Variants in CPZ observed in about 807,000 individuals in gnomAD.
The protein encoded by CPZ is VEZT/CPZ fusion.
A neutral mutation model predicts 61.8 loss-of-function variants in CPZ; 103 were observed. The observed-to-expected ratio is 1.67, with a 90% CI of 1.42 to 1.96. The LOEUF (loss-of-function observed/expected upper bound fraction) is 1.96. CPZ is among the 30% of genes most tolerant of loss of function. The probability of loss-of-function intolerance (pLI) is 0.00; values close to 1 mark genes in which losing one functional copy is unlikely to be tolerated. For missense variants in CPZ, 1,461 were observed against 914.9 expected (o/e 1.60, Z -7.70); for synonymous variants, 551 against 373.7 (o/e 1.47, Z -5.47).
chr4:8,605,093 C>T (rs753296814), intron 4 of CPZ, among the ~76,000 whole-genome samples: 13 of 152,196 alleles, frequency 8.5e-5, no homozygotes, highest in African/African-American at 1.4e-4. Flanking sequence ...AGGTAACCAG[C>T]GCAGAAAGCT....
In CPZ at chr4:8,616,440, G is replaced by T. The variant is rs375439816; in HGVS notation, c.1503+1942G>T. Reference sequence around the variant, plus strand: ...CCTCCTGTAAGAGACCCTCCTGGGAGAGCCCCTGCTCTCGGGTGGGGCTAG... The same window carrying T: ...CCTCCTGTAAGAGACCCTCCTGGGATAGCCCCTGCTCTCGGGTGGGGCTAG... On this transcript the variant is annotated intron_variant, in intron 9 of 10. Transcript: ENST00000360986. Among the ~76,000 whole-genome samples, 591 of 152,318 alleles carry T rather than the reference G, an allele frequency of 3.9e-3. 4 individuals are homozygous for T. Among genetic ancestry groups the T allele is most frequent in the South Asian group, 0.015 (72 of 4,828 alleles).
Position 8,612,045 on chromosome 4 carries a change from A to T in CPZ, c.1246A>T (p.Arg416Ter). ...PDEKMFKLLS[R>*]AYADVHPMMM... ...TTTCCAGATGTTCAAGCTGCTGTCCAGAGCCTACGCTGACGTCCACCCCAT... is the reference window on the plus strand; with the variant it reads ...TTTCCAGATGTTCAAGCTGCTGTCCTGAGCCTACGCTGACGTCCACCCCAT... The change falls in exon 8 of 11, where the codon AGA (arginine) becomes TGA (stop). Residue 416 changes from arginine (R) to a stop codon, truncating the protein, a stop_gained. Coordinates refer to ENST00000360986, the MANE Select transcript of CPZ (RefSeq NM_001014447.3). LOFTEE classifies it high-confidence loss of function. 6.2e-7 allele frequency: 1 copy of T among 1,614,024 alleles called. No homozygotes were observed. The highest frequency in any genetic ancestry group is 8.5e-7 in the Non-Finnish European group (1 of 1,180,036).
chr4:8,616,094 A>G (rs1716134028), intron 9 of CPZ, among the ~76,000 whole-genome samples: 1 of 152,214 alleles, frequency 6.6e-6, no homozygotes, highest in Non-Finnish European at 1.5e-5. Flanking sequence ...GTCTTGGGAT[A>G]TGAAGATTTA....
At chr4:8,601,705 C>T (rs1376084931) in intron 3 of CPZ, among the ~76,000 whole-genome samples, 1 of 152,186 alleles carries the variant, frequency 6.6e-6, no homozygotes, top group Admixed American at 6.5e-5. Context: ...GGAGGATCCT[C>T]TCGCTGCCCA....
At chr4:8,616,182 G>A (rs1459425792) in intron 9 of CPZ, among the ~76,000 whole-genome samples, 2 of 152,212 alleles carry the variant, frequency 1.3e-5, no homozygotes, top group South Asian at 2.1e-4. Flanking sequence ...AGACCTGGGC[G>A]CGGGCTCCTG....
intron 9 of CPZ, among the ~76,000 whole-genome samples, chr4:8,616,255 G>A (rs911224499): frequency 6.6e-6 from 1 of 152,162 alleles, no homozygotes; most frequent in Non-Finnish European, 1.5e-5. Context: ...GCCAGGCCTC[G>A]GGTGGGAGTC....
intron 4 of CPZ, among the ~76,000 whole-genome samples, chr4:8,604,930 ACCAGGGG>A (rs1714823605): frequency 6.6e-6 from 1 of 152,148 alleles, no homozygotes; most frequent in African/African-American, 2.4e-5. Context: ...TCTATCTCTT[ACCAGGGG>A]CCAGAGGCCA....
Position 8,607,286 on chromosome 4 carries a change from C to A in CPZ, c.1088C>A (p.Ala363Glu). ...WWGKVAPETK[A>E]IMKWMQTIPF... ...GGGCAGGTGGCCCCGGAGACAAAGGCAATCATGAAGTGGATGCAGACCATA... is the reference window on the plus strand; with the variant it reads ...GGGCAGGTGGCCCCGGAGACAAAGGAAATCATGAAGTGGATGCAGACCATA... The change falls in exon 7 of 11, where the codon GCA becomes GAA. Residue 363 changes from alanine to glutamate, a missense_variant. By Grantham distance (107) the Ala-to-Glu change is moderately radical. Transcript: ENST00000360986. 3.7e-6 allele frequency: 6 copies of A among 1,614,056 alleles called. No individual in the cohort carries two copies. The highest frequency in any genetic ancestry group is 5.1e-6 in the Non-Finnish European group (6 of 1,179,940).
chr4:8,596,858 T>C lies in CPZ; in HGVS notation c.89-2595T>C, dbSNP rs959923229. On this transcript the variant is annotated intron_variant, in intron 1 of 10. Transcript: ENST00000360986. ...AGGAGCAGGTGCAGGGATGGACACC[T>C]CACCTTGTAGCTCCCTGAGGCCAGC... 2.0e-5 allele frequency among the ~76,000 whole-genome samples: 3 copies of C among 152,146 alleles called. No individual in the cohort carries two copies. The East Asian group carries it at 5.8e-4, about 29-fold the overall frequency.
In CPZ at chr4:8,614,391, T is replaced by G; in HGVS notation, c.1396T>G (p.Cys466Gly). Reference sequence around the variant, plus strand: ...CGATTTCAACTACCTGCACACCAACTGCTTTGAGATCACGGTAGAGCTGGG... The same window carrying G: ...CGATTTCAACTACCTGCACACCAACGGCTTTGAGATCACGGTAGAGCTGGG... ...MSDFNYLHTN[C>G]FEITVELGCV... The change falls in exon 9 of 11, where the codon TGC becomes GGC. Residue 466 changes from cysteine to glycine, a missense_variant. Coordinates refer to ENST00000360986, the MANE Select transcript of CPZ (RefSeq NM_001014447.3). 1.2e-6 allele frequency: 2 copies of G among 1,613,872 alleles called. No individual in the cohort carries two copies. Among genetic ancestry groups the G allele is most frequent in the Non-Finnish European group, 1.7e-6 (2 of 1,179,894 alleles).
intron 10 of CPZ, 32 bp from the exon 11 acceptor site, chr4:8,619,230 G>T (rs756278604): frequency 1.3e-6 from 2 of 1,561,520 alleles, no homozygotes; most frequent in African/African-American, 1.4e-5. Flanking sequence ...TGCAGTCCTC[G>T]TGAGAATCAT....
chr4:8,600,271 C>T (rs1714477575), intron 2 of CPZ, among the ~76,000 whole-genome samples: 1 of 152,180 alleles, frequency 6.6e-6, no homozygotes, highest in South Asian at 2.1e-4. Flanking sequence ...GCCACCTTGC[C>T]TGGCTGTAAA....
intron 1 of CPZ, among the ~76,000 whole-genome samples, chr4:8,593,788 G>A (rs916218631): frequency 7.2e-5 from 11 of 152,178 alleles, no homozygotes; most frequent in Non-Finnish European, 1.5e-4. Flanking sequence ...ACCCCAGTGC[G>A]CTGTGTCGAC....
chr4:8,600,539 C>G (rs1175064227), intron 2 of CPZ, among the ~76,000 whole-genome samples: 1 of 152,202 alleles, frequency 6.6e-6, no homozygotes, highest in Non-Finnish European at 1.5e-5. Context: ...GCTAAACAAA[C>G]AGCTGTGATG....
In CPZ at chr4:8,595,989, G is replaced by A. The variant is rs562943894; in HGVS notation, c.88+3068G>A. Among the ~76,000 whole-genome samples the A allele has an allele frequency of 4.7e-5, 7 of 149,356 alleles. No homozygotes were observed. The East Asian group carries it at 1.2e-3, about 25-fold the overall frequency. The stretch of plus-strand genomic sequence containing the variant: ...GGGAGAGTTCTTCCCTTAGAGCCTT[G>A]ACAGGGAGTGCGGCCCTGCAGACCT... On this transcript the variant is annotated intron_variant, in intron 1 of 10. Transcript: ENST00000360986.
intron 8 of CPZ, among the ~76,000 whole-genome samples, chr4:8,613,677 C>G (rs1414756018): frequency 1.3e-5 from 2 of 152,212 alleles, no homozygotes; most frequent in African/African-American, 4.8e-5. Context: ...ATGGCTTCTG[C>G]TGAACAAGAA....
chr4:8,592,941 C>A lies in CPZ; in HGVS notation c.88+20C>A. 1 of 1,467,114 alleles carries A rather than the reference C, an allele frequency of 6.8e-7. No individual in the cohort carries two copies. Among genetic ancestry groups the A allele is most frequent in the Non-Finnish European group, 9.2e-7 (1 of 1,086,636 alleles). 90.9% of individuals were successfully genotyped at this position (1,467,114 alleles called of 1,614,324 possible). A position where few individuals can be genotyped will look rare whatever the true frequency, so the allele number is the denominator to read the frequency against. On this transcript the variant is annotated intron_variant, in intron 1 of 10. Transcript: ENST00000360986. ...CCGCCGGTAAGGCCGTCCCCTGCCC[C>A]CACCCTCCACCCTCCACCCTGCAAC...
intron 10 of CPZ, 53 bp from the exon 11 acceptor site, chr4:8,619,209 G>T: frequency 6.7e-7 from 1 of 1,486,868 alleles, no homozygotes; most frequent in Non-Finnish European, 9.1e-7. Context: ...CCATCACCCC[G>T]TGGCTGGGTC....
At chr4:8,598,987 C>A (rs529083840) in intron 1 of CPZ, among the ~76,000 whole-genome samples, 4 of 152,204 alleles carry the variant, frequency 2.6e-5, no homozygotes, top group Non-Finnish European at 5.9e-5. Context: ...GGTCTGGGTG[C>A]AGCAGTGCCT....
Sources: allele counts gnomAD v4.1 joint callset (sites outside exome capture counted in the v4.1 genomes callset), GRCh38; gene constraint gnomAD v4.1.1; transcripts MANE v1.5; gene names NCBI Gene and HGNC (gene_info 2026-07-23, HGNC 2026-07-21).